The following TLN1 variants were observed in gnomAD, a reference collection of about 807,000 sequenced individuals.
The protein encoded by TLN1 is talin 1, also known as talin-1.
In TLN1, 56 loss-of-function variants were observed where a neutral mutation model predicts 292.3. The observed-to-expected ratio is 0.19, with a 90% confidence interval of 0.15 to 0.24. The LOEUF (loss-of-function observed/expected upper bound fraction) is 0.24, where lower values mean the gene tolerates loss of function less well. TLN1 is among the 10% of genes least tolerant of loss of function. TLN1 has a pLI of 1.00. For synonymous variants in TLN1, 1,119 were observed against 1,253.7 expected (o/e 0.89, Z 2.27); for missense variants, 2,433 against 3,248.2 (o/e 0.75, Z 6.10).
Position 35,724,957 on chromosome 9 carries a change from G to C in TLN1, c.231C>G (p.Asp77Glu), listed in dbSNP as rs1287560935. The C allele has an allele frequency of 6.2e-7, 1 of 1,614,118 alleles. No homozygotes were observed. ...ALDYYMLRNG[D>E]TMEYRKKQRP... ...TCTGTTTCTTCCTGTACTCCATAGTGTCCTGTTAGGGCAGGAAGAAGAGAC... is the reference window on the plus strand; with the variant it reads ...TCTGTTTCTTCCTGTACTCCATAGTCTCCTGTTAGGGCAGGAAGAAGAGAC... Residue 77 changes from aspartate (D) to glutamate (E), a missense_variant and splice_region_variant, in exon 4 of 57, where the codon GAC (aspartate) becomes GAG (glutamate). Around this residue, in one of 7 missense-constraint regions of TLN1, gnomAD observed 155 missense variants for 287.9 expected, o/e 0.54. Coordinates refer to ENST00000314888, the MANE Select transcript of TLN1 (RefSeq NM_006289.4). The surrounding 1 kb of genome is among the most constrained non-coding windows in gnomAD (Gnocchi z 4.7).
At position 35,713,010 on chromosome 9, in the gene TLN1, C is replaced by T. The variant is rs765634282; in HGVS notation, c.3386G>A (p.Arg1129Gln). 3.9e-5 allele frequency: 63 copies of T among 1,607,546 alleles called. No individual in the cohort carries two copies. The Middle Eastern group carries it at 6.5e-4, about 16-fold the overall frequency. ...TCCCCTAGCGGCCTGGGCCAGTGAC[C>T]GCAGCCCACCTGCCACATCCCGAGC... is the stretch of plus-strand genomic sequence containing the variant. ...IAARDVAGGL[R>Q]SLAQAARGVA... The change falls in exon 27 of 57, where the codon CGG (arginine) becomes CAG (glutamine). Residue 1129 changes from arginine (R) to glutamine (Q), a missense_variant. Physicochemically the swap from Arg to Gln is conservative, Grantham distance 43 (BLOSUM62 1). Coordinates refer to ENST00000314888, the MANE Select transcript of TLN1 (RefSeq NM_006289.4).
Position 35,720,421 on chromosome 9 carries a change from C to A in TLN1, c.1283+12G>T, listed in dbSNP as rs1170653167. On this transcript the variant is annotated intron_variant, in intron 12 of 56. Transcript: ENST00000314888. ...CCCCTGGGAAATGGGATCAGCCCAA[C>A]TCCCTTCGTACTTTTTGGGGGACAC... 1.2e-6 allele frequency: 2 copies of A among 1,613,592 alleles called. No individual in the cohort carries two copies. Among genetic ancestry groups the A allele is most frequent in the Non-Finnish European group, 1.7e-6 (2 of 1,179,670 alleles).
intron 33 of TLN1, among the ~76,000 whole-genome samples, chr9:35,709,696 G>A (rs1198833853): frequency 6.6e-6 from 1 of 150,624 alleles, no homozygotes; most frequent in Non-Finnish European, 1.5e-5. Flanking sequence ...AGACCATCCT[G>A]GCTAACACGG....
chr9:35,719,673 C>T lies in TLN1; in HGVS notation c.1579-46G>A, dbSNP rs1162137264. The T allele has an allele frequency of 6.2e-7, 1 of 1,612,064 alleles. No homozygotes were observed. Among genetic ancestry groups the T allele is most frequent in the Non-Finnish European group, 8.5e-7 (1 of 1,178,196 alleles). On this transcript the variant is annotated intron_variant, in intron 14 of 56. Transcript: ENST00000314888. This position sits in a 1 kb window ranked among gnomAD's most constrained non-coding sequence, Gnocchi z 4.6. Reference sequence around the variant, plus strand: ...CTTCAGGATCTGCCCTGGTTTGGTTCACCTCATCCCTATCCCTTGGAGTCT... The same window carrying T: ...CTTCAGGATCTGCCCTGGTTTGGTTTACCTCATCCCTATCCCTTGGAGTCT...
rs974374325 is a variant in TLN1, at chr9:35,711,081, C to T, written c.4021G>A (p.Ala1341Thr). 3.1e-6 allele frequency: 5 copies of T among 1,614,054 alleles called. No individual in the cohort carries two copies. In the African/African-American group the frequency reaches 6.7e-5, roughly 22 times the overall value. Residue 1341 changes from alanine to threonine, a missense_variant and splice_region_variant, in exon 31 of 57, where the codon GCA (alanine) becomes ACA (threonine). By Grantham distance (58) the Ala-to-Thr change is moderately conservative (BLOSUM62 0). Coordinates refer to ENST00000314888, the MANE Select transcript of TLN1 (RefSeq NM_006289.4). ...AGCTGATTGATGCTGTCAGTTACTG[C>T]CCTGGGAGTGACAGAAAGTTGAGTG... The part of the protein sequence containing the change: ...LKSQLAAAAR[A>T]VTDSINQLIT...
chr9:35,719,253 C>G lies in TLN1; in HGVS notation c.1717G>C (p.Val573Leu), dbSNP rs1587987269. 1 of 1,614,154 alleles carries G rather than the reference C, an allele frequency of 6.2e-7. No homozygotes were observed. The highest frequency in any genetic ancestry group is 1.1e-5 in the South Asian group (1 of 91,062). ...GDPAETDYTAVGCAVTTISSN... is the reference protein window; with the variant it reads ...GDPAETDYTALGCAVTTISSN... ...GAGATTGTGGTGACTGCACAGCCCACTGCGGTATAGTCTGTCTCAGCAGGG... is the reference window on the plus strand; with the variant it reads ...GAGATTGTGGTGACTGCACAGCCCAGTGCGGTATAGTCTGTCTCAGCAGGG... Residue 573 changes from valine (V) to leucine (L), a missense_variant, in exon 16 of 57, where the codon GTG becomes CTG. Transcript: ENST00000314888. The surrounding 1 kb of genome is among the most constrained non-coding windows in gnomAD (Gnocchi z 4.6).
At position 35,711,392 on chromosome 9, in the gene TLN1, G is replaced by T; in HGVS notation, c.3882C>A (p.Ser1294Arg). 6.2e-7 allele frequency: 1 copy of T among 1,614,194 alleles called. No homozygotes were observed. The highest frequency in any genetic ancestry group is 2.2e-5 in the East Asian group (1 of 44,890). Residue 1294 changes from serine (S) to arginine (R), a missense_variant and splice_region_variant, in exon 30 of 57, where the codon AGC (serine) becomes AGA (arginine). By Grantham distance (110) the Ser-to-Arg change is moderately radical. Around this residue, in one of 7 missense-constraint regions of TLN1, gnomAD observed 1,384 missense variants for 1,699.6 expected, o/e 0.81. Coordinates refer to ENST00000314888, the MANE Select transcript of TLN1 (RefSeq NM_006289.4). The part of the protein sequence containing the change: ...AGVEMAGQAP[S>R]QEDRAQVVSN... The stretch of plus-strand genomic sequence containing the variant: ...ACACAACTTGGGCTCGGTCCTCCTG[G>T]CTCTGTTGAAGGTGACAAGGTCAAT...
intron 17 of TLN1, among the ~76,000 whole-genome samples, chr9:35,718,298 C>T (rs1447616482): frequency 1.1e-4 from 16 of 152,342 alleles, no homozygotes; most frequent in Admixed American, 2.6e-4. Context: ...AGTACAGAAA[C>T]GAGTGTATGC....
chr9:35,723,056 A>G, intron 7 of TLN1, 135 bp from the exon 8 acceptor site: 1 of 687,074 alleles, frequency 1.5e-6, no homozygotes, highest in Non-Finnish European at 2.5e-6. Context: ...CTCTGAGGGA[A>G]TAGAGTCTAG....
At position 35,699,222 on chromosome 9, in the gene TLN1, A is replaced by G; in HGVS notation, c.6875-66T>C. ...GGGGAGGTCAAAAGCACCAGGGAGCATGGTTAGTATCATCAGGCCCTGGCA... is the reference window on the plus strand; with the variant it reads ...GGGGAGGTCAAAAGCACCAGGGAGCGTGGTTAGTATCATCAGGCCCTGGCA... On this transcript the variant is annotated intron_variant, in intron 51 of 56. Coordinates refer to ENST00000314888, the MANE Select transcript of TLN1 (RefSeq NM_006289.4). The surrounding 1 kb of genome is among the most constrained non-coding windows in gnomAD (Gnocchi z 4.0). 6.4e-7 allele frequency: 1 copy of G among 1,571,348 alleles called. No individual in the cohort carries two copies. Among genetic ancestry groups the G allele is most frequent in the Non-Finnish European group, 8.6e-7 (1 of 1,157,284 alleles).
In TLN1 at chr9:35,719,151, G is replaced by A; in HGVS notation, c.1819C>T (p.Pro607Ser). The change falls in exon 16 of 57, where the codon CCC becomes TCC. Residue 607 changes from proline (P) to serine (S), a missense_variant. Physicochemically the swap from Pro to Ser is moderately conservative, Grantham distance 74. Around this residue, in one of 7 missense-constraint regions of TLN1, gnomAD observed 617 missense variants for 770.6 expected, o/e 0.80. Coordinates refer to ENST00000314888, the MANE Select transcript of TLN1 (RefSeq NM_006289.4). This position sits in a 1 kb window ranked among gnomAD's most constrained non-coding sequence, Gnocchi z 4.6. The stretch of plus-strand genomic sequence containing the variant: ...AGGCCCTTTGCTGCCTGCAACAGGG[G>A]CCGACCACTGCCGCCTTCGTCCTCC... The part of the protein sequence containing the change: ...LLEDEGGSGR[P>S]LLQAAKGLAG... 1 of 1,614,158 alleles carries A rather than the reference G, an allele frequency of 6.2e-7. No individual in the cohort carries two copies. The highest frequency in any genetic ancestry group is 8.5e-7 in the Non-Finnish European group (1 of 1,180,028).
At chr9:35,712,707 G>A (rs1476143373) in intron 27 of TLN1, 128 bp downstream of exon 27, 2 of 703,788 alleles carry the variant, frequency 2.8e-6, no homozygotes, top group African/African-American at 3.6e-5. Flanking sequence ...CAGAGGGGCT[G>A]TCAAGAGCAG....
At chr9:35,703,057 T>C (rs1825494201) in intron 48 of TLN1, among the ~76,000 whole-genome samples, 1 of 151,964 alleles carries the variant, frequency 6.6e-6, no homozygotes, top group Non-Finnish European at 1.5e-5. Flanking sequence ...TCCCAGCACT[T>C]TGGGAGGCCA....
In TLN1 at chr9:35,699,966, T is replaced by C. The variant is rs1302071472; in HGVS notation, c.6768+8A>G. The C allele has an allele frequency of 1.9e-6, 3 of 1,603,418 alleles. 1 individual carries two copies. The highest frequency in any genetic ancestry group is 2.2e-5 in the South Asian group (2 of 90,480). On this transcript the variant is annotated splice_region_variant and intron_variant, in intron 50 of 56. Transcript: ENST00000314888. This position sits in a 1 kb window ranked among gnomAD's most constrained non-coding sequence, Gnocchi z 4.0. The stretch of plus-strand genomic sequence containing the variant: ...CTGGTATGAGGAACAAGCAACGCCC[T>C]CCCTTACCAGCAGTACATGGTCCAG...
Position 35,717,646 on chromosome 9 carries a change from G to A in TLN1, c.2136C>T (p.Ser712=), listed in dbSNP as rs1307018392. Reference sequence around the variant, plus strand: ...TAGTACAGGCCACTAGTTGGGAAGTGGATAGGGCACACTGTGTTGCTGCAG... The same window carrying A: ...TAGTACAGGCCACTAGTTGGGAAGTAGATAGGGCACACTGTGTTGCTGCAG... The part of the protein sequence containing the change: ...VIAAATQCAL[S]TSQLVACTKV... The change falls in exon 18 of 57, where the codon TCC becomes TCT. Residue 712 remains serine (S), a synonymous_variant. Coordinates refer to ENST00000314888, the MANE Select transcript of TLN1 (RefSeq NM_006289.4). The surrounding 1 kb of genome is among the most constrained non-coding windows in gnomAD (Gnocchi z 4.7). The A allele has an allele frequency of 1.9e-6, 3 of 1,613,966 alleles. No homozygotes were observed. Among genetic ancestry groups the A allele is most frequent in the Admixed American group, 1.7e-5 (1 of 60,006 alleles).
intron 33 of TLN1, among the ~76,000 whole-genome samples, chr9:35,710,222 C>CAAAAAAAA (rs68036045): frequency 3.0e-5 from 2 of 67,246 alleles, no homozygotes; most frequent in African/African-American, 5.9e-5. Context: ...AACGCTGTCT[C>CAAAAAAAA]AAAAAAAAAA....
In TLN1 at chr9:35,699,961, C is replaced by G; in HGVS notation, c.6768+13G>C. The G allele has an allele frequency of 1.2e-6, 2 of 1,600,534 alleles. No homozygotes were observed. Among genetic ancestry groups the G allele is most frequent in the South Asian group, 2.2e-5 (2 of 90,166 alleles). ...GGAGGCTGGTATGAGGAACAAGCAA[C>G]GCCCTCCCTTACCAGCAGTACATGG... On this transcript the variant is annotated intron_variant, in intron 50 of 56. Transcript: ENST00000314888. The surrounding 1 kb of genome is among the most constrained non-coding windows in gnomAD (Gnocchi z 4.0).
Position 35,707,031 on chromosome 9 carries a change from T to C in TLN1, c.4955+41A>G, listed in dbSNP as rs774472977. The C allele has an allele frequency of 2.5e-6, 4 of 1,608,512 alleles. No homozygotes were observed. Among genetic ancestry groups the C allele is most frequent in the East Asian group, 2.2e-5 (1 of 44,864 alleles). ...GTGCCCATCCTCCATTCTGCCACAA[T>C]GTATGCCCCCCAGCCACACTGGTTC... On this transcript the variant is annotated intron_variant, in intron 37 of 56. Coordinates refer to ENST00000314888, the MANE Select transcript of TLN1 (RefSeq NM_006289.4). This position sits in a 1 kb window ranked among gnomAD's most constrained non-coding sequence, Gnocchi z 5.6.
intron 25 of TLN1, 44 bp from the exon 26 acceptor site, chr9:35,713,342 T>C: frequency 6.7e-7 from 1 of 1,501,410 alleles, no homozygotes; most frequent in Non-Finnish European, 9.1e-7. Flanking sequence ...AAGGAGAAGG[T>C]GAGGAGAAGG....
Sources: gnomAD v4.1 joint callset for allele counts (sites outside exome capture counted in the v4.1 genomes callset) on GRCh38, gnomAD v4.1.1 for gene constraint, gnomAD v4.1.1 regional missense constraint, Gnocchi (gnomAD v3.1) non-coding constraint, MANE v1.5 for transcripts, NCBI Gene and HGNC (gene_info 2026-07-23, HGNC 2026-07-21) for gene names.